Variants in TIAM2 observed in about 807,000 individuals in gnomAD.
TIAM2 encodes the protein TIAM Rac1 associated GEF 2, also known as rho guanine nucleotide exchange factor TIAM2.
In TIAM2, 80 loss-of-function variants were observed where a neutral mutation model predicts 152.9. That is an observed-to-expected ratio of 0.52 (90% CI 0.44 to 0.63). The LOEUF (loss-of-function observed/expected upper bound fraction) is 0.63. Among genes scored for constraint, TIAM2 ranks in the 30% least tolerant of loss-of-function variants. TIAM2 has a pLI of 0.00. For synonymous variants in TIAM2, 804 were observed against 838.0 expected (o/e 0.96, Z 0.70); for missense variants, 1,965 against 2,120.1 (o/e 0.93, Z 1.44).
chr6:155,228,912 C>T (rs916183668), intron 15 of TIAM2, among the ~76,000 whole-genome samples: 8 of 152,226 alleles, frequency 5.3e-5, no homozygotes, highest in Non-Finnish European at 1.0e-4. Flanking sequence ...CATGGCGCTT[C>T]CTCTCTCCAG....
intron 1 of TIAM2, among the ~76,000 whole-genome samples, chr6:155,077,080 A>C (rs1777978708): frequency 6.6e-6 from 1 of 152,226 alleles, no homozygotes. Flanking sequence ...ATGCTAATTT[A>C]TCAGTAATTC....
chr6:155,177,677 T>A (rs1237381487), intron 10 of TIAM2, among the ~76,000 whole-genome samples: 1 of 152,234 alleles, frequency 6.6e-6, no homozygotes, highest in Non-Finnish European at 1.5e-5. Flanking sequence ...TTAATAAATG[T>A]GAAAAATGTT....
intron 15 of TIAM2, among the ~76,000 whole-genome samples, chr6:155,212,612 T>C (rs1781748544): frequency 6.6e-6 from 1 of 152,218 alleles, no homozygotes; most frequent in South Asian, 2.1e-4. Context: ...CACAAGATTC[T>C]TGGGGTATCA....
intron 14 of TIAM2, among the ~76,000 whole-genome samples, chr6:155,198,920 G>A (rs1365739967): frequency 1.3e-5 from 2 of 152,124 alleles, no homozygotes; most frequent in African/African-American, 4.8e-5. Context: ...CAGCTCTGGA[G>A]TCCTACTGCA....
At chr6:155,247,025 G>C (rs1021220619) in intron 19 of TIAM2, among the ~76,000 whole-genome samples, 4 of 152,232 alleles carry the variant, frequency 2.6e-5, no homozygotes, top group African/African-American at 9.6e-5. Flanking sequence ...TCAGACAAAG[G>C]GGCAGTTTTC....
In TIAM2 at chr6:155,145,015, A is replaced by T. The variant is rs184018173; in HGVS notation, c.1803+237A>T. ...CCTCTGAAGTCCCAGGCTGTGGCCC[A>T]TGAGATGCTCATTGGGACACAAAGA... is the stretch of plus-strand genomic sequence containing the variant. On this transcript the variant is annotated intron_variant, in intron 6 of 26. Transcript: ENST00000682666. 2.8e-3 allele frequency among the ~76,000 whole-genome samples: 431 copies of T among 152,316 alleles called. 1 individual carries two copies. Among genetic ancestry groups the T allele is most frequent in the Non-Finnish European group, 5.1e-3 (347 of 68,028 alleles).
intron 9 of TIAM2, among the ~76,000 whole-genome samples, chr6:155,176,131 G>A (rs1218482354): frequency 6.6e-6 from 1 of 152,226 alleles, no homozygotes; most frequent in Non-Finnish European, 1.5e-5. Flanking sequence ...TGGGAGGTCA[G>A]AGAGGGATTA....
chr6:155,016,503 TTACATTTAAATGG>T (rs1010764873), intron 1 of TIAM2: 3 of 86,912 alleles, frequency 3.5e-5, no homozygotes, highest in African/African-American at 1.6e-4. Flanking sequence ...TAAATGGTAT[TTACATTTAAATGG>T]TATTTACATT....
intron 1 of TIAM2, among the ~76,000 whole-genome samples, chr6:155,060,844 G>T (rs929950282): frequency 6.6e-6 from 1 of 152,220 alleles, no homozygotes; most frequent in African/African-American, 2.4e-5. Flanking sequence ...GCAGTGAGCC[G>T]AGATCGTGCC....
chr6:155,231,972 G>A (rs901263878), intron 15 of TIAM2, among the ~76,000 whole-genome samples: 1 of 152,108 alleles, frequency 6.6e-6, no homozygotes, highest in Non-Finnish European at 1.5e-5. Context: ...TCCCAGCTAC[G>A]TGGGAGGCTG....
chr6:155,232,638 T>G (rs1009697016), intron 15 of TIAM2: 1 of 152,244 alleles, frequency 6.6e-6, no homozygotes, highest in East Asian at 1.9e-4. Flanking sequence ...TCCAGGCTGA[T>G]GGCTCAGCAC....
intron 14 of TIAM2, among the ~76,000 whole-genome samples, chr6:155,199,571 A>G (rs906119438): frequency 1.3e-5 from 2 of 152,226 alleles, no homozygotes; most frequent in African/African-American, 4.8e-5. Context: ...AAAACAAGGG[A>G]TGAGGCAAAA....
At position 155,001,277 on chromosome 6, in the gene TIAM2, C is replaced by G. The variant is rs140382513; in HGVS notation, c.-209+5785C>G. On this transcript the variant is annotated intron_variant, in intron 1 of 26. Coordinates refer to ENST00000682666, the MANE Select transcript of TIAM2 (RefSeq NM_012454.4). ...GAGAAGGTTGGAGACCTGTGGGATC[C>G]TTTACCCAAGTTCACGTAGTTTGAA... Among the ~76,000 whole-genome samples, 886 of 152,190 alleles carry G rather than the reference C, an allele frequency of 5.8e-3. 7 individuals are homozygous for G. Among genetic ancestry groups the G allele is most frequent in the Non-Finnish European group, 9.0e-3 (615 of 68,004 alleles).
intron 9 of TIAM2, among the ~76,000 whole-genome samples, chr6:155,172,456 C>T (rs552359710): frequency 6.6e-6 from 1 of 151,804 alleles, no homozygotes; most frequent in Admixed American, 6.6e-5. Context: ...CCATCAGTCT[C>T]CTAACCACCC....
intron 22 of TIAM2, 114 bp downstream of exon 22, chr6:155,251,135 A>C (rs1392479922): frequency 4.5e-6 from 4 of 889,000 alleles, no homozygotes; most frequent in Non-Finnish European, 7.2e-6. Flanking sequence ...GAATTGCTAT[A>C]ATGGTTGGGG....
At chr6:155,219,169 A>G (rs1781959146) in intron 15 of TIAM2, among the ~76,000 whole-genome samples, 1 of 152,100 alleles carries the variant, frequency 6.6e-6, no homozygotes, top group South Asian at 2.1e-4. Context: ...CGAAAGCTGT[A>G]AGAATTGGGT....
At chr6:155,107,858 G>A (rs146430087) in intron 2 of TIAM2, among the ~76,000 whole-genome samples, 2 of 152,310 alleles carry the variant, frequency 1.3e-5, no homozygotes, top group African/African-American at 4.8e-5. Context: ...ACTGCTGAAC[G>A]TCTGGTGTGT....
intron 4 of TIAM2, among the ~76,000 whole-genome samples, chr6:155,136,068 C>T (rs1327125904): frequency 6.6e-6 from 1 of 151,250 alleles, no homozygotes; most frequent in African/African-American, 2.4e-5. Context: ...GTGGCGCATG[C>T]CTGTAATCCC....
intron 1 of TIAM2, among the ~76,000 whole-genome samples, chr6:155,030,228 G>T (rs1038046438): frequency 6.6e-6 from 1 of 152,166 alleles, no homozygotes; most frequent in African/African-American, 2.4e-5. Flanking sequence ...AGCATGGGAT[G>T]AGGCAGGCCA....
Sources: allele counts gnomAD v4.1 joint callset (sites outside exome capture counted in the v4.1 genomes callset), GRCh38; gene constraint gnomAD v4.1.1; transcripts MANE v1.5; gene names NCBI Gene and HGNC (gene_info 2026-07-23, HGNC 2026-07-21).